The following KHDRBS2 variants were observed in gnomAD, a reference collection of about 807,000 sequenced individuals.
KHDRBS2 encodes the protein KH domain-containing, RNA-binding, signal transduction-associated protein 2.
In KHDRBS2, 26 loss-of-function variants were observed where a neutral mutation model predicts 44.3. The ratio of observed to expected loss-of-function variants is 0.59; its 90% CI spans 0.43 to 0.81. KHDRBS2 has a LOEUF of 0.81. KHDRBS2 is among the 40% of genes least tolerant of loss of function. KHDRBS2 has a pLI of 0.00. For missense variants in KHDRBS2, 476 were observed against 433.1 expected (o/e 1.10, Z -0.88); for synonymous variants, 194 against 151.1 (o/e 1.28, Z -2.08).
intron 2 of KHDRBS2, among the ~76,000 whole-genome samples, chr6:62,063,676 C>G (rs1037375081): frequency 0.022 from 3,166 of 142,848 alleles, 140 homozygotes; most frequent in African/African-American, 0.077. Context: ...CAATATCATA[C>G]TGAATGGGCA....
the KHDRBS2 span, among the ~76,000 whole-genome samples, chr6:61,641,631 G>T: frequency 6.6e-6 from 1 of 152,010 alleles, no homozygotes; most frequent in African/African-American, 2.4e-5. Context: ...TTCTCTCACT[G>T]GTATTATAAC....
intron 1 of KHDRBS2, among the ~76,000 whole-genome samples, chr6:62,198,804 A>G (rs1826254982): frequency 6.6e-6 from 1 of 152,184 alleles, no homozygotes; most frequent in African/African-American, 2.4e-5. Flanking sequence ...TTTTAGACCA[A>G]TATCCCTGAT....
At chr6:61,622,402 G>T in the KHDRBS2 span, among the ~76,000 whole-genome samples, 1 of 152,116 alleles carries the variant, frequency 6.6e-6, no homozygotes, top group Non-Finnish European at 1.5e-5. Flanking sequence ...GACAGTGGAG[G>T]AAAGAGATTA....
intron 6 of KHDRBS2, among the ~76,000 whole-genome samples, chr6:61,770,231 G>T (rs569482828): frequency 6.6e-6 from 1 of 152,062 alleles, no homozygotes; most frequent in African/African-American, 2.4e-5. Flanking sequence ...CCACAAAGAT[G>T]GGAAAAAAAC....
chr6:61,863,759 T>C (rs1423307937), intron 6 of KHDRBS2, among the ~76,000 whole-genome samples: 1 of 152,180 alleles, frequency 6.6e-6, no homozygotes, highest in Non-Finnish European at 1.5e-5. Context: ...ATATATTCTG[T>C]TGTTTCTGGG....
chr6:61,771,342 A>T (rs1780866845), intron 6 of KHDRBS2, among the ~76,000 whole-genome samples: 1 of 152,306 alleles, frequency 6.6e-6, no homozygotes, highest in Admixed American at 6.5e-5. Context: ...AACAATATTA[A>T]CTTTAAATGT....
At chr6:62,079,337 G>A (rs560730979) in intron 2 of KHDRBS2, among the ~76,000 whole-genome samples, 5 of 151,530 alleles carry the variant, frequency 3.3e-5, no homozygotes, top group East Asian at 3.9e-4. Flanking sequence ...TTAACATAAC[G>A]GTCACCAGAA....
At chr6:61,566,387 T>C in the KHDRBS2 span, among the ~76,000 whole-genome samples, 4 of 152,190 alleles carry the variant, frequency 2.6e-5, no homozygotes, top group Non-Finnish European at 5.9e-5. Context: ...ACTGAAGGAA[T>C]GCATTTGGAA....
intron 2 of KHDRBS2, among the ~76,000 whole-genome samples, chr6:62,087,897 A>G (rs1318761251): frequency 2.0e-5 from 3 of 151,984 alleles, no homozygotes; most frequent in African/African-American, 7.3e-5. Context: ...ATTCCTTTTC[A>G]TTCTTTTTTC....
At chr6:62,177,045 CTA>C (rs1207509187) in intron 2 of KHDRBS2, 138 bp downstream of exon 2, 3 of 459,762 alleles carry the variant, frequency 6.5e-6, no homozygotes, top group South Asian at 6.6e-5. Context: ...TTTCCTTCCC[CTA>C]TGTCAGTATC....
chr6:61,598,790 C>T, the KHDRBS2 span, among the ~76,000 whole-genome samples: 1 of 145,340 alleles, frequency 6.9e-6, no homozygotes, highest in Non-Finnish European at 1.5e-5. Context: ...CAGTGACAGC[C>T]AAATTCTAAA....
chr6:62,112,508 G>C (rs755549270), intron 2 of KHDRBS2, among the ~76,000 whole-genome samples: 10 of 152,028 alleles, frequency 6.6e-5, no homozygotes, highest in Admixed American at 2.0e-4. Context: ...TCTCCACTAG[G>C]ATTTACACAC....
At chr6:62,069,341 A>G (rs1262408478) in intron 2 of KHDRBS2, among the ~76,000 whole-genome samples, 1 of 151,808 alleles carries the variant, frequency 6.6e-6, no homozygotes, top group African/African-American at 2.4e-5. Flanking sequence ...AGTATTTACT[A>G]TGTTTATCCA....
chr6:62,018,372 T>C (rs1259374311), intron 3 of KHDRBS2, among the ~76,000 whole-genome samples: 1 of 151,370 alleles, frequency 6.6e-6, no homozygotes, highest in African/African-American at 2.4e-5. Flanking sequence ...ATATTTTTTA[T>C]CAAAGTCATC....
intron 2 of KHDRBS2, among the ~76,000 whole-genome samples, chr6:62,118,156 C>T (rs1806736307): frequency 6.6e-6 from 1 of 152,158 alleles, no homozygotes; most frequent in Admixed American, 6.5e-5. Context: ...TTCCAAGTAC[C>T]AATACCCAAA....
At chr6:61,845,550 G>A (rs533399447) in intron 6 of KHDRBS2, among the ~76,000 whole-genome samples, 13 of 152,108 alleles carry the variant, frequency 8.5e-5, no homozygotes, top group East Asian at 5.8e-4. Flanking sequence ...ACCTTGTGTC[G>A]GCCCGCCTTG....
Position 61,957,565 on chromosome 6 carries a change from T to C in KHDRBS2, c.483+20501A>G, listed in dbSNP as rs188780767. Among the ~76,000 whole-genome samples, 113 of 152,290 alleles carry C rather than the reference T, an allele frequency of 7.4e-4. 1 individual carries two copies. Among genetic ancestry groups the C allele is most frequent in the African/African-American group, 2.6e-3 (110 of 41,576 alleles). ...GGACGAAATAAGCCCCGGTCTCCCGTAGTGCTCCCAGGCTCATTAGGACGA... is the reference window on the plus strand; with the variant it reads ...GGACGAAATAAGCCCCGGTCTCCCGCAGTGCTCCCAGGCTCATTAGGACGA... On this transcript the variant is annotated intron_variant, in intron 4 of 8. Coordinates refer to ENST00000281156, the MANE Select transcript of KHDRBS2 (RefSeq NM_152688.4).
In KHDRBS2 at chr6:61,940,705, G is replaced by C. The variant is rs555762673; in HGVS notation, c.483+37361C>G. Among the ~76,000 whole-genome samples the C allele has an allele frequency of 2.0e-5, 3 of 152,302 alleles. No homozygotes were observed. The East Asian group carries it at 5.8e-4, about 29-fold the overall frequency. The stretch of plus-strand genomic sequence containing the variant: ...CCTGGAGCCCAGTGATGCCAGGTCT[G>C]AGATGCAATATAAGAGTGGCTTCTA... On this transcript the variant is annotated intron_variant, in intron 4 of 8. Coordinates refer to ENST00000281156, the MANE Select transcript of KHDRBS2 (RefSeq NM_152688.4).
intron 6 of KHDRBS2, among the ~76,000 whole-genome samples, chr6:61,804,054 T>C (rs1786732221): frequency 6.6e-6 from 1 of 152,066 alleles, no homozygotes; most frequent in African/African-American, 2.4e-5. Flanking sequence ...CCCAAAGTCA[T>C]AATTCATTTC....
Sources: allele counts gnomAD v4.1 joint callset (sites outside exome capture counted in the v4.1 genomes callset), GRCh38; gene constraint gnomAD v4.1.1; transcripts MANE v1.5; gene names NCBI Gene and HGNC (gene_info 2026-07-23, HGNC 2026-07-21).